ACVR1C: variants seen among roughly 807,000 people sequenced by gnomAD.
ACVR1C encodes the protein activin receptor type-1C.
In ACVR1C, 23 loss-of-function variants were observed where a neutral mutation model predicts 57.9. That is an observed-to-expected ratio of 0.40 (90% confidence interval 0.29 to 0.56). ACVR1C has a LOEUF of 0.56. ACVR1C is among the 20% of genes least tolerant of loss of function. ACVR1C has a pLI of 0.50. For synonymous variants in ACVR1C, 214 were observed against 215.3 expected (o/e 0.99, Z 0.05); for missense variants, 480 against 607.9 (o/e 0.79, Z 2.21).
intron 1 of ACVR1C, among the ~76,000 whole-genome samples, chr2:157,612,123 T>C (rs1682548664): frequency 6.6e-6 from 1 of 152,176 alleles, no homozygotes; most frequent in Non-Finnish European, 1.5e-5. Flanking sequence ...GAGGCTGTGC[T>C]CTTGGTGTGG....
At chr2:157,553,439 C>T (rs528250735) in intron 3 of ACVR1C, among the ~76,000 whole-genome samples, 13 of 150,792 alleles carry the variant, frequency 8.6e-5, no homozygotes, top group Non-Finnish European at 1.5e-4. Flanking sequence ...AATCTGAAAA[C>T]GAGAGAGTCC....
At chr2:157,562,292 T>TC (rs1172642455) in intron 2 of ACVR1C, among the ~76,000 whole-genome samples, 2 of 105,028 alleles carry the variant, frequency 1.9e-5, no homozygotes, top group African/African-American at 8.2e-5. Flanking sequence ...AGACACCGTC[T>TC]CAAAAAAAAA....
At chr2:157,562,825 C>A (rs1688274127) in intron 2 of ACVR1C, among the ~76,000 whole-genome samples, 1 of 152,082 alleles carries the variant, frequency 6.6e-6, no homozygotes, top group Non-Finnish European at 1.5e-5. Context: ...ATACGCAAAT[C>A]AATAAATGTA....
chr2:157,560,683 G>A (rs1350880105), intron 2 of ACVR1C, among the ~76,000 whole-genome samples: 1 of 152,048 alleles, frequency 6.6e-6, no homozygotes, highest in African/African-American at 2.4e-5. Flanking sequence ...ACCTAAATGG[G>A]AACTTTCTCT....
In ACVR1C at chr2:157,541,111, C is replaced by A. The variant is rs1403006194; in HGVS notation, c.1204G>T (p.Ala402Ser). The change falls in exon 7 of 9, where the codon GCC becomes TCC. Residue 402 changes from alanine to serine, a missense_variant. Transcript: ENST00000243349. ...TTACCTCCGACTGAACACCTCCGGG[C>A]TATTTCCCAGTAAACCAGACCAACA... Reference protein sequence around the residue: ...YSVGLVYWEIARRCSVGGIVE... With the variant: ...YSVGLVYWEISRRCSVGGIVE... 1 of 1,613,920 alleles carries A rather than the reference C, an allele frequency of 6.2e-7. No individual in the cohort carries two copies.
chr2:157,589,422 A>T (rs1458842800), intron 1 of ACVR1C, among the ~76,000 whole-genome samples: 2 of 151,918 alleles, frequency 1.3e-5, no homozygotes, highest in African/African-American at 4.8e-5. Context: ...TTCCTTGTAG[A>T]TTCTGGATAT....
At chr2:157,619,006 A>C (rs1451370577) in intron 1 of ACVR1C, among the ~76,000 whole-genome samples, 1 of 151,886 alleles carries the variant, frequency 6.6e-6, no homozygotes, top group Non-Finnish European at 1.5e-5. Flanking sequence ...ACAGAGAATC[A>C]GTAAAGATAG....
intron 1 of ACVR1C, among the ~76,000 whole-genome samples, chr2:157,626,515 T>C (rs1559001519): frequency 6.6e-6 from 1 of 152,246 alleles, no homozygotes; most frequent in South Asian, 2.1e-4. Context: ...TCACTGACTA[T>C]GTCATTACAT....
In ACVR1C at chr2:157,612,293, G is replaced by C. The variant is rs564074212; in HGVS notation, c.73+16279C>G. ...CCCCAAAACAGAGGCTACATTGAGAGTGGGGGCTCAGTCACCACTCACAGC... is the reference window on the plus strand; with the variant it reads ...CCCCAAAACAGAGGCTACATTGAGACTGGGGGCTCAGTCACCACTCACAGC... On this transcript the variant is annotated intron_variant, in intron 1 of 8. Coordinates refer to ENST00000243349, the MANE Select transcript of ACVR1C (RefSeq NM_145259.3). 2.6e-5 allele frequency among the ~76,000 whole-genome samples: 4 copies of C among 152,298 alleles called. No individual in the cohort carries two copies. The South Asian group carries it at 8.3e-4, about 32-fold the overall frequency.
chr2:157,603,535 T>C (rs545889990), intron 1 of ACVR1C, among the ~76,000 whole-genome samples: 2 of 152,204 alleles, frequency 1.3e-5, no homozygotes, highest in Admixed American at 6.5e-5. Flanking sequence ...AAGTAGCCCA[T>C]AAGTGTTCTC....
rs1013608932 is a variant in ACVR1C at position 157,527,452 on chromosome 2, T to C, written c.*6466A>G. 6.6e-6 allele frequency: 1 copy of C among 152,190 alleles called. No homozygotes were observed. Among genetic ancestry groups the C allele is most frequent in the Non-Finnish European group, 1.5e-5 (1 of 68,022 alleles). The allele number at this position is 152,190 out of a possible 1,614,324, so 9.4% of individuals were successfully genotyped here. On this transcript the variant is annotated 3_prime_UTR_variant, in exon 9 of 9. Transcript: ENST00000243349. ...AATGCAATGGTTTTGACATTTGTAATATGTTCTTAGGTATAAGAAGAGTCA... is the reference window on the plus strand; with the variant it reads ...AATGCAATGGTTTTGACATTTGTAACATGTTCTTAGGTATAAGAAGAGTCA...
intron 1 of ACVR1C, 26 bp downstream of exon 1, chr2:157,628,546 C>A: frequency 2.5e-6 from 4 of 1,602,504 alleles, no homozygotes; most frequent in Non-Finnish European, 3.4e-6. Context: ...CCCTCGCGGG[C>A]GTCGGGAGAG....
intron 1 of ACVR1C, among the ~76,000 whole-genome samples, chr2:157,588,882 T>TATATATATATATATATATAC (rs1165852661): frequency 2.2e-5 from 3 of 135,136 alleles, no homozygotes; most frequent in African/African-American, 8.2e-5. Flanking sequence ...TATATATACG[T>TATATATATATATATATATAC]GTGTGTGTAT....
chr2:157,573,362 T>G (rs753474714), intron 2 of ACVR1C, among the ~76,000 whole-genome samples: 4 of 152,204 alleles, frequency 2.6e-5, no homozygotes, highest in Non-Finnish European at 5.9e-5. Flanking sequence ...CACATTTTAA[T>G]GTTTTGTCAT....
At chr2:157,583,444 T>C (rs1023889588) in intron 2 of ACVR1C, among the ~76,000 whole-genome samples, 1 of 152,208 alleles carries the variant, frequency 6.6e-6, no homozygotes, top group Non-Finnish European at 1.5e-5. Flanking sequence ...AACATGATTA[T>C]TCTCTGCAAA....
At chr2:157,604,809 A>T (rs973041169) in intron 1 of ACVR1C, among the ~76,000 whole-genome samples, 6 of 151,876 alleles carry the variant, frequency 4.0e-5, no homozygotes, top group Non-Finnish European at 8.9e-5. Flanking sequence ...TTTATAAGAT[A>T]TGTGTTTTGC....
At chr2:157,554,339 GAGAAAGAAAGAAAGAGAA>G (rs1388218113) in intron 3 of ACVR1C, among the ~76,000 whole-genome samples, 4 of 124,692 alleles carry the variant, frequency 3.2e-5, no homozygotes, top group African/African-American at 1.4e-4. Context: ...AAGAGAAAGA[GAGAAAGAAAGAAAGAGAA>G]AGAAAGAAAG....
At chr2:157,543,692 T>C (rs1346919706) in intron 5 of ACVR1C, among the ~76,000 whole-genome samples, 1 of 152,204 alleles carries the variant, frequency 6.6e-6, no homozygotes, top group Non-Finnish European at 1.5e-5. Flanking sequence ...ATTGACTCTC[T>C]AGAGCCAACC....
chr2:157,557,367 T>C (rs531077386), intron 2 of ACVR1C, among the ~76,000 whole-genome samples: 1 of 152,336 alleles, frequency 6.6e-6, no homozygotes, highest in South Asian at 2.1e-4. Context: ...AGAAACCTAA[T>C]GCAAGAAGAC....
Sources: gnomAD v4.1 joint callset for allele counts (sites outside exome capture counted in the v4.1 genomes callset) on GRCh38, gnomAD v4.1.1 for gene constraint, MANE v1.5 for transcripts, NCBI Gene and HGNC (gene_info 2026-07-23, HGNC 2026-07-21) for gene names.